SCFD2: variants seen among roughly 807,000 people sequenced by gnomAD.
SCFD2 encodes sec1 family domain containing 2.
SCFD2 carries 54 observed loss-of-function variants against 58.9 expected under a neutral mutation model. The observed-to-expected ratio is 0.92, with a 90% CI of 0.74 to 1.15. The LOEUF (loss-of-function observed/expected upper bound fraction) is 1.15, where lower values mean the gene tolerates loss of function less well. SCFD2 is among the 50% of genes most tolerant of loss of function. The pLI, the probability that SCFD2 is intolerant of heterozygous loss-of-function variation, is 0.00. For missense variants in SCFD2, 805 were observed against 836.6 expected, an observed-to-expected ratio of 0.96 and a Z score of 0.47; for synonymous variants, 321 against 335.9, an observed-to-expected ratio of 0.96 and a Z score of 0.49.
chr4:53,278,518 G>GAC (rs1731405835), intron 3 of SCFD2, among the ~76,000 whole-genome samples: 1 of 149,312 alleles, frequency 6.7e-6, no homozygotes, highest in South Asian at 2.1e-4. Context: ...GACAGAGTGA[G>GAC]ACTCCATCTC....
rs536670208 is a variant in SCFD2, at chr4:53,267,041, T to C, written c.1311+6785A>G. Among the ~76,000 whole-genome samples, 5 of 152,330 alleles carry C rather than the reference T, an allele frequency of 3.3e-5. No homozygotes were observed. The East Asian group carries it at 5.8e-4, about 18-fold the overall frequency. ...GCTAGTTGTTAGATCACCAAAACCA[T>C]TGTAAGTAGAAGAAATGCAGTAACC... On this transcript the variant is annotated intron_variant, in intron 4 of 8. Coordinates refer to ENST00000401642, the MANE Select transcript of SCFD2 (RefSeq NM_152540.4).
intron 3 of SCFD2, among the ~76,000 whole-genome samples, chr4:53,306,462 G>A (rs1254116385): frequency 1.3e-5 from 2 of 152,134 alleles, no homozygotes; most frequent in Non-Finnish European, 2.9e-5. Flanking sequence ...ATACGTATCA[G>A]AAAGGAAATT....
At chr4:53,248,505 G>T (rs534438924) in intron 4 of SCFD2, among the ~76,000 whole-genome samples, 1 of 152,206 alleles carries the variant, frequency 6.6e-6, no homozygotes, top group Non-Finnish European at 1.5e-5. Context: ...AGTAACCTCT[G>T]CAGACTTAAA....
intron 5 of SCFD2, among the ~76,000 whole-genome samples, chr4:52,934,446 T>C (rs1170582374): frequency 6.6e-6 from 1 of 152,204 alleles, no homozygotes; most frequent in East Asian, 1.9e-4. Context: ...ATAATTATTC[T>C]GGAAAAAATT....
chr4:53,235,042 T>C (rs1002768763), intron 4 of SCFD2, among the ~76,000 whole-genome samples: 1 of 152,224 alleles, frequency 6.6e-6, no homozygotes, highest in African/African-American at 2.4e-5. Flanking sequence ...TGGCCACTCC[T>C]GCTCCTGCCA....
intron 5 of SCFD2, among the ~76,000 whole-genome samples, chr4:53,123,502 G>C (rs1369388209): frequency 7.7e-6 from 1 of 129,100 alleles, no homozygotes; most frequent in African/African-American, 3.0e-5. Context: ...GTGCCCTAAG[G>C]GTTACCTTGC....
At chr4:53,346,300 G>GTT (rs1734058131) in intron 2 of SCFD2, among the ~76,000 whole-genome samples, 2 of 145,110 alleles carry the variant, frequency 1.4e-5, no homozygotes, top group Non-Finnish European at 3.0e-5. Flanking sequence ...TTGAGAGGGA[G>GTT]TTTCACTCTT....
chr4:53,294,618 T>C lies in SCFD2; in HGVS notation c.1135+19018A>G, dbSNP rs373756688. Among the ~76,000 whole-genome samples, 139 of 152,348 alleles carry C rather than the reference T, an allele frequency of 9.1e-4. 1 individual carries two copies. The South Asian group carries it at 0.027, about 29-fold the overall frequency. ...GTTAACTCTGATGATAGTTTTTCTT[T>C]ACTGTGCAGAAGCTCTTTAGTCTAA... On this transcript the variant is annotated intron_variant, in intron 3 of 8. Coordinates refer to ENST00000401642, the MANE Select transcript of SCFD2 (RefSeq NM_152540.4).
chr4:53,004,522 A>G (rs1378702216), intron 5 of SCFD2, among the ~76,000 whole-genome samples: 1 of 152,198 alleles, frequency 6.6e-6, no homozygotes, highest in Non-Finnish European at 1.5e-5. Flanking sequence ...GATAGGTACT[A>G]TTATGATTCC....
chr4:53,248,850 G>A (rs1252669963), intron 4 of SCFD2, among the ~76,000 whole-genome samples: 7 of 152,134 alleles, frequency 4.6e-5, no homozygotes, highest in Admixed American at 4.6e-4. Flanking sequence ...CCACAAAGAT[G>A]GGGAAAAAAC....
At chr4:53,282,814 G>T (rs148844740) in intron 3 of SCFD2, among the ~76,000 whole-genome samples, 5 of 152,152 alleles carry the variant, frequency 3.3e-5, no homozygotes, top group East Asian at 1.9e-4. Flanking sequence ...ATCATGTGTG[G>T]TTTTTTAAAT....
At chr4:52,917,916 G>T (rs145765598) in intron 6 of SCFD2, among the ~76,000 whole-genome samples, 199 of 152,346 alleles carry the variant, frequency 1.3e-3, no homozygotes, top group African/African-American at 4.5e-3. Flanking sequence ...AGGGAAGCAG[G>T]AGTGGCTCTG....
At chr4:53,196,943 T>G (rs1213235922) in intron 4 of SCFD2, among the ~76,000 whole-genome samples, 4 of 152,170 alleles carry the variant, frequency 2.6e-5, no homozygotes, top group Admixed American at 2.6e-4. Flanking sequence ...AATTGGTTAT[T>G]ATTATTAAAA....
chr4:52,906,699 T>C (rs930834572), intron 7 of SCFD2, among the ~76,000 whole-genome samples: 1 of 152,226 alleles, frequency 6.6e-6, no homozygotes, highest in African/African-American at 2.4e-5. Flanking sequence ...ATGCATTTAT[T>C]GAACTCTGAA....
At position 52,918,339 on chromosome 4, in the gene SCFD2, T is replaced by C. The variant is rs920556907; in HGVS notation, c.1707+2386A>G. 2.1e-4 allele frequency among the ~76,000 whole-genome samples: 32 copies of C among 152,342 alleles called. No homozygotes were observed. The South Asian group carries it at 3.3e-3, about 16-fold the overall frequency. On this transcript the variant is annotated intron_variant, in intron 6 of 8. Coordinates refer to ENST00000401642, the MANE Select transcript of SCFD2 (RefSeq NM_152540.4). ...CTGATCTGTAATAAATATATATGTA[T>C]TGTACTTAAGATGTACCTAACAAAT...
chr4:53,045,170 C>T (rs11947923), intron 5 of SCFD2, among the ~76,000 whole-genome samples: 43,934 of 151,940 alleles, frequency 0.29, 7,591 homozygotes, highest in Non-Finnish European at 0.37. Flanking sequence ...AGAGAATTCA[C>T]GTACATTTAT....
chr4:53,075,894 G>T (rs77081426), intron 5 of SCFD2, among the ~76,000 whole-genome samples: 2 of 152,148 alleles, frequency 1.3e-5, no homozygotes, highest in South Asian at 4.1e-4. Context: ...AGCATATGCC[G>T]TTGGAAAAAT....
At chr4:53,189,946 T>A (rs139899144) in intron 4 of SCFD2, among the ~76,000 whole-genome samples, 1 of 152,268 alleles carries the variant, frequency 6.6e-6, no homozygotes, top group East Asian at 1.9e-4. Flanking sequence ...AATGAATACG[T>A]GAATTAACTA....
chr4:52,887,863 T>C (rs1241296502), intron 7 of SCFD2, among the ~76,000 whole-genome samples: 1 of 151,432 alleles, frequency 6.6e-6, no homozygotes, highest in African/African-American at 2.4e-5. Context: ...CTGGCTCCCT[T>C]GCCTGATTAT....
Sources: gnomAD v4.1 joint callset for allele counts (sites outside exome capture counted in the v4.1 genomes callset) on GRCh38, gnomAD v4.1.1 for gene constraint, MANE v1.5 for transcripts, NCBI Gene and HGNC (gene_info 2026-07-23, HGNC 2026-07-21) for gene names.